The following NRG2 variants were observed in gnomAD, a reference collection of about 807,000 sequenced individuals.
The protein encoded by NRG2 is neuregulin 2.
In NRG2, 27 loss-of-function variants were observed where a neutral mutation model predicts 73.9. The observed-to-expected ratio is 0.37, with a 90% CI of 0.27 to 0.50. The LOEUF (loss-of-function observed/expected upper bound fraction) is 0.50, where lower values mean the gene tolerates loss of function less well. Ranked by LOEUF, NRG2 falls within the 20% of genes least tolerant of loss-of-function variation. NRG2 has a pLI of 0.96. For missense variants in NRG2, 1,126 were observed against 1,210.1 expected (o/e 0.93, Z 1.03); for synonymous variants, 532 against 541.0 (o/e 0.98, Z 0.23).
chr5:139,889,618 T>C (rs1764082499), intron 1 of NRG2, among the ~76,000 whole-genome samples: 1 of 152,226 alleles, frequency 6.6e-6, no homozygotes, highest in Admixed American at 6.5e-5. Flanking sequence ...TGTAACTGAT[T>C]CCTGTGTGGA....
chr5:139,925,751 C>T (rs1486389984), intron 1 of NRG2, among the ~76,000 whole-genome samples: 2 of 152,164 alleles, frequency 1.3e-5, no homozygotes, highest in Admixed American at 1.3e-4. Flanking sequence ...TAGCCTGCAG[C>T]GCAGGCTCCT....
At chr5:139,939,391 C>T (rs1753216671) in intron 1 of NRG2, among the ~76,000 whole-genome samples, 1 of 151,980 alleles carries the variant, frequency 6.6e-6, no homozygotes, top group Non-Finnish European at 1.5e-5. Flanking sequence ...TCTCATGCCT[C>T]AGTCTCCTGC....
At chr5:139,936,736 A>T (rs1752878985) in intron 1 of NRG2, among the ~76,000 whole-genome samples, 1 of 152,192 alleles carries the variant, frequency 6.6e-6, no homozygotes, top group Non-Finnish European at 1.5e-5. Context: ...TTCCTCATGA[A>T]TTCCTCATGA....
At position 140,041,975 on chromosome 5, in the gene NRG2, C is replaced by T. The variant is rs546678392; in HGVS notation, c.700+395G>A. On this transcript the variant is annotated intron_variant, in intron 1 of 9. Transcript: ENST00000361474. ...TGCCAGCCTGGGCACGGCAGGCCCGCGGCAGCAGGGCAGGCAAGGCCTCCG... is the reference window on the plus strand; with the variant it reads ...TGCCAGCCTGGGCACGGCAGGCCCGTGGCAGCAGGGCAGGCAAGGCCTCCG... Among the ~76,000 whole-genome samples, 36 of 152,166 alleles carry T rather than the reference C, an allele frequency of 2.4e-4. No homozygotes were observed. In the South Asian group the frequency reaches 7.1e-3, roughly 30 times the overall value.
intron 1 of NRG2, among the ~76,000 whole-genome samples, chr5:139,998,093 G>T (rs190649985): frequency 6.4e-4 from 97 of 152,286 alleles, no homozygotes; most frequent in African/African-American, 2.3e-3. Flanking sequence ...TACATTGGTG[G>T]CAAGGGGTGG....
At position 140,042,926 on chromosome 5, in the gene NRG2, CCTG is replaced by C. The variant is rs956119901; in HGVS notation, c.141_143del (p.Ser47del). 9 of 1,536,084 alleles carry C rather than the reference CCTG, an allele frequency of 5.9e-6. No homozygotes were observed. The highest frequency in any genetic ancestry group is 2.7e-5 in the African/African-American group (2 of 72,832). Reference sequence around the variant, plus strand: ...AGATGCTGCTGTTGTTGCTGCTGCTCCTGCTGCTGCTGCCGCTCTCGCTGCTGC... The same window carrying C: ...AGATGCTGCTGTTGTTGCTGCTGCTCCTGCTGCTGCCGCTCTCGCTGCTGC... On this transcript the variant is annotated inframe_deletion, in exon 1 of 10. Transcript: ENST00000361474.
In NRG2 at chr5:139,950,188, G is replaced by C. The variant is rs184610815; in HGVS notation, c.701-62677C>G. On this transcript the variant is annotated intron_variant, in intron 1 of 9. Transcript: ENST00000361474. ...TCTTCGTTCCTCAGAAGGTCAGCTAGAGTGAGCCACACACCACAGACCAAA... is the reference window on the plus strand; with the variant it reads ...TCTTCGTTCCTCAGAAGGTCAGCTACAGTGAGCCACACACCACAGACCAAA... Among the ~76,000 whole-genome samples the C allele has an allele frequency of 3.9e-5, 6 of 152,324 alleles. No individual in the cohort carries two copies. The East Asian group carries it at 1.2e-3, about 29-fold the overall frequency.
intron 1 of NRG2, among the ~76,000 whole-genome samples, chr5:140,007,373 A>G (rs540905893): frequency 4.6e-5 from 7 of 152,178 alleles, no homozygotes; most frequent in Non-Finnish European, 4.4e-5. Context: ...TATTACTTAT[A>G]TTAAGCAGCC....
chr5:139,946,210 A>T, intron 1 of NRG2, among the ~76,000 whole-genome samples: 1 of 152,110 alleles, frequency 6.6e-6, no homozygotes, highest in South Asian at 2.1e-4. Flanking sequence ...CACTTTCAAA[A>T]CTTACTATAA....
intron 1 of NRG2, among the ~76,000 whole-genome samples, chr5:139,998,788 A>AG (rs1473627379): frequency 6.6e-6 from 1 of 152,190 alleles, no homozygotes; most frequent in Non-Finnish European, 1.5e-5. Context: ...CCATACTGTT[A>AG]CTTGAAATAT....
intron 1 of NRG2, among the ~76,000 whole-genome samples, chr5:139,965,242 T>G (rs1755407345): frequency 2.0e-5 from 3 of 152,114 alleles, no homozygotes; most frequent in Non-Finnish European, 4.4e-5. Context: ...GTGGGGGAGA[T>G]GGGTGGAGCC....
At position 139,848,630 on chromosome 5, in the gene NRG2, G is replaced by C. The variant is rs1194979688; in HGVS notation, c.1840C>G (p.Gln614Glu). Residue 614 changes from glutamine to glutamate, a missense_variant, in exon 10 of 10, where the codon CAG (glutamine) becomes GAG (glutamate). Coordinates refer to ENST00000361474, the MANE Select transcript of NRG2 (RefSeq NM_004883.3). ...GACGTGATCTCGAAAGTTGGCACCTGCGTGGCCAGCGAGTAGTGGAAGTCC... is the reference window on the plus strand; with the variant it reads ...GACGTGATCTCGAAAGTTGGCACCTCCGTGGCCAGCGAGTAGTGGAAGTCC... ...PVDFHYSLAT[Q>E]VPTFEITSPN... The C allele has an allele frequency of 1.3e-6, 2 of 1,577,744 alleles. No homozygotes were observed. The highest frequency in any genetic ancestry group is 1.7e-5 in the Admixed American group (1 of 58,430).
chr5:139,956,013 A>G (rs1161721367), intron 1 of NRG2, among the ~76,000 whole-genome samples: 1 of 152,218 alleles, frequency 6.6e-6, no homozygotes, highest in East Asian at 1.9e-4. Context: ...AGCTCTCTCC[A>G]TAGGAGCAGG....
At chr5:139,968,066 G>C (rs530011864) in intron 1 of NRG2, among the ~76,000 whole-genome samples, 4 of 152,258 alleles carry the variant, frequency 2.6e-5, no homozygotes, top group South Asian at 2.1e-4. Context: ...TTCATTCCAG[G>C]GGGAGGAGGC....
intron 1 of NRG2, among the ~76,000 whole-genome samples, chr5:139,902,604 C>T (rs1467478695): frequency 2.6e-5 from 4 of 152,186 alleles, no homozygotes; most frequent in Admixed American, 2.6e-4. Context: ...AGCTGAAGCC[C>T]ACCGAGTGCT....
intron 1 of NRG2, among the ~76,000 whole-genome samples, chr5:139,930,327 A>T (rs1752381507): frequency 6.6e-6 from 1 of 152,270 alleles, no homozygotes; most frequent in Admixed American, 6.5e-5. Flanking sequence ...TTGGCTAAGC[A>T]GCAAGGAGAT....
intron 5 of NRG2, 116 bp from the exon 6 acceptor site, chr5:139,855,894 C>T: frequency 1.4e-6 from 1 of 731,674 alleles, no homozygotes; most frequent in African/African-American, 1.7e-5. Context: ...AGGTCCTGCC[C>T]AGCTCCTTTC....
chr5:140,022,286 C>T (rs906482473), intron 1 of NRG2, among the ~76,000 whole-genome samples: 8 of 152,178 alleles, frequency 5.3e-5, no homozygotes, highest in African/African-American at 1.9e-4. Context: ...CAGGGTCTAG[C>T]AATAATTCCA....
chr5:139,932,221 AGTGTGTGTGT>A (rs3056594), intron 1 of NRG2, among the ~76,000 whole-genome samples: 61 of 141,460 alleles, frequency 4.3e-4, no homozygotes, highest in African/African-American at 1.3e-3. Context: ...AAGAAAATGT[AGTGTGTGTGT>A]GTGTGTGTGT....
Sources: gnomAD v4.1 joint callset for allele counts (sites outside exome capture counted in the v4.1 genomes callset) on GRCh38, gnomAD v4.1.1 for gene constraint, MANE v1.5 for transcripts, NCBI Gene and HGNC (gene_info 2026-07-23, HGNC 2026-07-21) for gene names.